CHEK1: variants seen among roughly 807,000 people sequenced by gnomAD.
CHEK1 encodes serine/threonine-protein kinase Chk1.
Under a neutral mutation model 60.2 loss-of-function variants are expected in CHEK1, and 32 were observed. The observed-to-expected ratio is 0.53, with a 90% CI of 0.40 to 0.71. The LOEUF (loss-of-function observed/expected upper bound fraction) is 0.71, where lower values mean the gene tolerates loss of function less well. CHEK1 is among the 30% of genes least tolerant of loss of function. The probability of loss-of-function intolerance (pLI) is 0.00; values close to 1 mark genes in which losing one functional copy is unlikely to be tolerated. For missense variants in CHEK1, 399 were observed against 564.6 expected, an observed-to-expected ratio of 0.71 and a Z score of 2.97; for synonymous variants, 179 against 187.2, an observed-to-expected ratio of 0.96 and a Z score of 0.36.
At chr11:125,660,784 A>C (rs1941998459), downstream of CHEK1, among the ~76,000 whole-genome samples, 1 of 151,576 alleles carries the variant, frequency 6.6e-6, no homozygotes, top group Non-Finnish European at 1.5e-5. Flanking sequence ...TGCATGGCAT[A>C]ACTTTTTTGA....
At position 125,656,177 on chromosome 11, in the gene CHEK1, A is replaced by T. The variant is rs1039856921; in HGVS notation, c.*857A>T. On this transcript the variant is annotated 3_prime_UTR_variant, in exon 13 of 13. Transcript: ENST00000438015. ...TTACAAAAAGTTTGTTTTTCTAATA[A>T]AATTTGTATCAACTTTGGGGCATAT... 11 of 209,402 alleles carry T rather than the reference A, an allele frequency of 5.3e-5. No homozygotes were observed. Among genetic ancestry groups the T allele is most frequent in the Non-Finnish European group, 9.7e-5 (10 of 103,102 alleles). 13.0% of individuals were successfully genotyped at this position (209,402 alleles called of 1,614,324 possible). A position where few individuals can be genotyped will look rare whatever the true frequency, so the allele number is the denominator to read the frequency against.
downstream of CHEK1, among the ~76,000 whole-genome samples, chr11:125,679,210 C>CTT (rs1942675671): frequency 3.6e-5 from 3 of 83,214 alleles, no homozygotes; most frequent in Non-Finnish European, 7.9e-5. Flanking sequence ...TTTAATCCGT[C>CTT]TCTTTCTTTT....
At chr11:125,662,870 C>T (rs1942041919) in intron 13 of CHEK1, among the ~76,000 whole-genome samples, 1 of 152,162 alleles carries the variant, frequency 6.6e-6, no homozygotes. Context: ...AGTTTCTTCA[C>T]ATCCTCATCA....
chr11:125,652,243 C>G (rs1565381007), intron 11 of CHEK1, among the ~76,000 whole-genome samples: 2 of 152,152 alleles, frequency 1.3e-5, no homozygotes, highest in African/African-American at 4.8e-5. Flanking sequence ...AACATCCTTA[C>G]TCCCATATTT....
At position 125,625,261 on chromosome 11, in the gene CHEK1, A is replaced by C. The variant is rs2135962896; in HGVS notation, c.-772A>C. ...TCCTGCAAAAAGACCGGGCTGAAGT[A>C]AAGCATTGTTTTGGAGCTGGTTCAC... On this transcript the variant is annotated 5_prime_UTR_variant, in exon 1 of 13. Coordinates refer to ENST00000438015, the MANE Select transcript of CHEK1 (RefSeq NM_001114122.3). The C allele has an allele frequency of 4.3e-6, 1 of 231,870 alleles. No individual in the cohort carries two copies. Among genetic ancestry groups the C allele is most frequent in the Non-Finnish European group, 8.5e-6 (1 of 117,286 alleles). The allele number at this position is 231,870 out of a possible 1,614,324, so 14.4% of individuals were successfully genotyped here. A position where few individuals can be genotyped will look rare whatever the true frequency, so the allele number is the denominator to read the frequency against.
chr11:125,625,881 C>T lies in CHEK1; in HGVS notation c.-152C>T, dbSNP rs777220059. The T allele has an allele frequency of 5.7e-6, 4 of 702,664 alleles. No homozygotes were observed. Among genetic ancestry groups the T allele is most frequent in the South Asian group, 3.0e-5 (2 of 67,610 alleles). 43.5% of individuals were successfully genotyped at this position (702,664 alleles called of 1,614,324 possible). On this transcript the variant is annotated 5_prime_UTR_variant, in exon 1 of 13. It introduces an in-frame stop codon into an upstream open reading frame of the 5' UTR. Transcript: ENST00000438015. ...TTGGAGCCGCCGACATTCAGAGGGG[C>T]AGGACACGGGAACGCGCGCTGTCTT...
intron 11 of CHEK1, among the ~76,000 whole-genome samples, chr11:125,648,903 C>T (rs994048327): frequency 1.3e-5 from 2 of 151,982 alleles, no homozygotes; most frequent in African/African-American, 4.8e-5. Context: ...ATAGCTTGAC[C>T]TCCTGTGCCC....
intron 6 of CHEK1, 77 bp from the exon 7 acceptor site, chr11:125,635,352 G>A (rs2135997046): frequency 2.2e-6 from 2 of 909,324 alleles, no homozygotes; most frequent in East Asian, 5.9e-5. Flanking sequence ...AACTTTTCAT[G>A]GATTTATATT....
chr11:125,650,858 A>C (rs762006350), intron 11 of CHEK1, among the ~76,000 whole-genome samples: 1 of 152,238 alleles, frequency 6.6e-6, no homozygotes, highest in East Asian at 1.9e-4. Context: ...CTGTATACCA[A>C]AAACAAAAAA....
rs1193730080 is a variant in CHEK1 at position 125,633,299 on chromosome 11, A to G, written c.561A>G (p.Glu187=). 4 of 1,606,056 alleles carry G rather than the reference A, an allele frequency of 2.5e-6. No individual in the cohort carries two copies. In the Admixed American group the frequency reaches 5.2e-5, roughly 21 times the overall value. The change falls in exon 6 of 13, where the codon GAA becomes GAG. Residue 187 remains glutamate, a synonymous_variant. Coordinates refer to ENST00000438015, the MANE Select transcript of CHEK1 (RefSeq NM_001114122.3). ...TGAAGAGAAGAGAATTTCATGCAGA[A>G]CCAGTTGATGTTTGGTCCTGTGGAA... The part of the protein sequence containing the change: ...ELLKRREFHA[E]PVDVWSCGIV...
intron 6 of CHEK1, among the ~76,000 whole-genome samples, chr11:125,634,962 GT>G (rs35745732): frequency 0.071 from 10,393 of 145,756 alleles, 379 homozygotes; most frequent in Middle Eastern, 0.11. Context: ...CTGTTTTTTG[GT>G]TTTTTTTTTT....
chr11:125,669,280 T>C (rs545586089), intron 13 of CHEK1, among the ~76,000 whole-genome samples: 1 of 152,310 alleles, frequency 6.6e-6, no homozygotes, highest in African/African-American at 2.4e-5. Flanking sequence ...ACCTTCGCTT[T>C]TGAAGGGTTA....
At chr11:125,670,356 T>G (rs1355921725) in intron 13 of CHEK1, among the ~76,000 whole-genome samples, 1 of 152,184 alleles carries the variant, frequency 6.6e-6, no homozygotes, top group Non-Finnish European at 1.5e-5. Flanking sequence ...CTGCTTTTTT[T>G]TCTTGGCTAT....
chr11:125,626,885 G>A, intron 2 of CHEK1, 52 bp downstream of exon 2: 1 of 1,565,132 alleles, frequency 6.4e-7, no homozygotes, highest in Non-Finnish European at 8.8e-7. Flanking sequence ...TCATTGTTTT[G>A]GAGTCTCACA....
chr11:125,641,682 A>G (rs999397812), intron 8 of CHEK1, among the ~76,000 whole-genome samples: 1 of 152,180 alleles, frequency 6.6e-6, no homozygotes, highest in African/African-American at 2.4e-5. Flanking sequence ...TGCAGATCAG[A>G]AACTTTGGAA....
rs369386203 is a variant in CHEK1, at chr11:125,636,778, A to G, written c.719-671A>G. ...GCACTTGTTACAAATACTTTTCACAATTTATCATTTATTTTCATTTTGTTT... is the reference window on the plus strand; with the variant it reads ...GCACTTGTTACAAATACTTTTCACAGTTTATCATTTATTTTCATTTTGTTT... On this transcript the variant is annotated intron_variant, in intron 7 of 12. Coordinates refer to ENST00000438015, the MANE Select transcript of CHEK1 (RefSeq NM_001114122.3). Among the ~76,000 whole-genome samples the G allele has an allele frequency of 3.9e-5, 6 of 151,908 alleles. No homozygotes were observed. The East Asian group carries it at 1.2e-3, about 29-fold the overall frequency.
intron 8 of CHEK1, among the ~76,000 whole-genome samples, chr11:125,642,437 A>G (rs1364067597): frequency 6.6e-6 from 1 of 151,872 alleles, no homozygotes; most frequent in African/African-American, 2.4e-5. Flanking sequence ...TTTTTTTTCT[A>G]TTTTGCTCAC....
In CHEK1 at chr11:125,643,807, G is replaced by A. The variant is rs775245290; in HGVS notation, c.830G>A (p.Arg277Gln). The A allele has an allele frequency of 6.3e-5, 102 of 1,613,480 alleles. No individual in the cohort carries two copies. Among genetic ancestry groups the A allele is most frequent in the Non-Finnish European group, 7.5e-5 (88 of 1,179,842 alleles). ...KPLKKGAKRP[R>Q]VTSGGVSESP... is the part of the protein sequence containing the mutation. The stretch of plus-strand genomic sequence containing the variant: ...TCTTTTTTAGGGGCAAAAAGGCCCC[G>A]AGTCACTTCAGGTGGTGTGTCAGAG... The change falls in exon 9 of 13, where the codon CGA becomes CAA. Residue 277 changes from arginine to glutamine, a missense_variant. Arg to Gln is a conservative substitution (Grantham distance 43). This residue lies in a region of CHEK1 where 370 missense variants were observed against 494.8 expected (regional missense o/e 0.75). Coordinates refer to ENST00000438015, the MANE Select transcript of CHEK1 (RefSeq NM_001114122.3).
At chr11:125,677,423 G>A (rs1228046980), downstream of CHEK1, among the ~76,000 whole-genome samples, 1 of 152,160 alleles carries the variant, frequency 6.6e-6, no homozygotes, top group Non-Finnish European at 1.5e-5. Context: ...ATTCTAACAT[G>A]GTTTAAGAGG....
Sources: allele counts gnomAD v4.1 joint callset (sites outside exome capture counted in the v4.1 genomes callset), GRCh38; gene constraint gnomAD v4.1.1; regional missense constraint gnomAD v4.1.1; transcripts MANE v1.5; gene names NCBI Gene and HGNC (gene_info 2026-07-23, HGNC 2026-07-21).